PCCB: variants seen among roughly 807,000 people sequenced by gnomAD.
PCCB encodes the protein propionyl-CoA carboxylase beta chain, mitochondrial.
In PCCB, 43 loss-of-function variants were observed where a neutral mutation model predicts 60.7. That is an observed-to-expected ratio of 0.71 (90% CI 0.55 to 0.91). The LOEUF (loss-of-function observed/expected upper bound fraction) is 0.91, where lower values mean the gene tolerates loss of function less well. PCCB is among the 40% of genes least tolerant of loss of function. PCCB has a pLI of 0.00. For synonymous variants in PCCB, 276 were observed against 255.9 expected (o/e 1.08, Z -0.75); for missense variants, 766 against 702.8 (o/e 1.09, Z -1.02).
At chr3:136,300,249 C>T (rs556824024) in intron 8 of PCCB, among the ~76,000 whole-genome samples, 24 of 152,226 alleles carry the variant, frequency 1.6e-4, no homozygotes, top group Admixed American at 1.1e-3. Flanking sequence ...TTCTTTCCAG[C>T]GTAGAGCTTT....
At chr3:136,308,916 T>C (rs1934549955) in intron 9 of PCCB, among the ~76,000 whole-genome samples, 1 of 151,998 alleles carries the variant, frequency 6.6e-6, no homozygotes, top group Non-Finnish European at 1.5e-5. Context: ...AGAATATGTT[T>C]AAAACGATGA....
intron 9 of PCCB, among the ~76,000 whole-genome samples, chr3:136,312,425 A>G (rs570626630): frequency 6.6e-5 from 10 of 152,362 alleles, no homozygotes; most frequent in Admixed American, 5.2e-4. Context: ...CCACCTTCCT[A>G]TAGGCAGTTT....
At chr3:136,262,673 A>G (rs191258545) in intron 5 of PCCB, among the ~76,000 whole-genome samples, 1 of 152,348 alleles carries the variant, frequency 6.6e-6, no homozygotes, top group Admixed American at 6.5e-5. Flanking sequence ...GGGATGAGGG[A>G]GAGAGATACT....
chr3:136,255,782 C>T, intron 1 of PCCB, 74 bp from the exon 2 acceptor site: 1 of 1,368,648 alleles, frequency 7.3e-7, no homozygotes, highest in Non-Finnish European at 1.0e-6. Flanking sequence ...TTCAAGCCCT[C>T]CCATGAACAG....
chr3:136,262,084 G>A lies in PCCB; in HGVS notation c.543+19G>A, dbSNP rs1461240702. ...CTTTCTGGTGAGAAACCTGTTAATA[G>A]AGAATAAAAAAATACAGGGCTTAAG... On this transcript the variant is annotated intron_variant, in intron 5 of 14. Transcript: ENST00000251654. The A allele has an allele frequency of 1.4e-6, 2 of 1,459,904 alleles. No individual in the cohort carries two copies. Among genetic ancestry groups the A allele is most frequent in the South Asian group, 1.2e-5 (1 of 82,212 alleles). 90.4% of individuals were successfully genotyped at this position (1,459,904 alleles called of 1,614,324 possible). A position where few individuals can be genotyped will look rare whatever the true frequency, so the allele number is the denominator to read the frequency against.
chr3:136,297,860 A>G (rs1934005646), intron 7 of PCCB, 92 bp from the exon 8 acceptor site: 2 of 1,411,684 alleles, frequency 1.4e-6, no homozygotes, highest in South Asian at 1.2e-5. Context: ...TCTGCTACTG[A>G]CATGCCCTAG....
At chr3:136,260,657 G>A (rs533684943) in intron 4 of PCCB, 122 bp downstream of exon 4, 8 of 832,952 alleles carry the variant, frequency 9.6e-6, no homozygotes, top group African/African-American at 6.7e-5. Flanking sequence ...TATGCAAGAT[G>A]TGCTACCAAC....
intron 5 of PCCB, among the ~76,000 whole-genome samples, chr3:136,273,655 T>A (rs1463624928): frequency 2.1e-5 from 3 of 141,800 alleles, no homozygotes; most frequent in Non-Finnish European, 4.6e-5. Context: ...TTGTCTGATA[T>A]AAGAATAGCT....
Position 136,326,894 on chromosome 3 carries a change from C to T in PCCB, c.1182C>T (p.Val394=), listed in dbSNP as rs1935332479. The T allele has an allele frequency of 6.2e-7, 1 of 1,608,186 alleles. No homozygotes were observed. Among genetic ancestry groups the T allele is most frequent in the Non-Finnish European group, 8.5e-7 (1 of 1,174,622 alleles). Residue 394 remains valine (V), a synonymous_variant, in exon 11 of 15, where the codon GTC becomes GTT. Transcript: ENST00000251654. The stretch of plus-strand genomic sequence containing the variant: ...TTCCACTCATCACTTTTGTTGATGT[C>T]CCTGGCTTTCTACCTGGTAAGTTTT... ...FNIPLITFVD[V]PGFLPGTAQE...
rs59099393 is a variant in PCCB, at chr3:136,253,082, G to GTTTT, written c.183+2546_183+2549dup. On this transcript the variant is annotated intron_variant, in intron 1 of 14. Coordinates refer to ENST00000251654, the MANE Select transcript of PCCB (RefSeq NM_000532.5). ...GAGCTTGGGAGTCCAAGCAATGGAG[G>GTTTT]TTTTTTTTTTTTTTTTTTTTTTTTT... Among the ~76,000 whole-genome samples the GTTTT allele has an allele frequency of 3.2e-3, 226 of 71,450 alleles. 18 individuals carry two copies. Among genetic ancestry groups the GTTTT allele is most frequent in the Non-Finnish European group, 4.0e-3 (164 of 41,018 alleles). The allele number at this position is 71,450 out of a possible 152,430, so 46.9% of individuals were successfully genotyped here.
At chr3:136,300,026 C>A (rs1356572280) in intron 8 of PCCB, among the ~76,000 whole-genome samples, 2 of 151,526 alleles carry the variant, frequency 1.3e-5, no homozygotes, top group African/African-American at 2.4e-5. Flanking sequence ...GTGTACACGC[C>A]CACACATGCA....
At chr3:136,325,404 C>A (rs1458821574) in intron 10 of PCCB, among the ~76,000 whole-genome samples, 1 of 151,324 alleles carries the variant, frequency 6.6e-6, no homozygotes, top group Non-Finnish European at 1.5e-5. Context: ...ACTCTGTTGC[C>A]TAGAGTGGTG....
intron 5 of PCCB, 100 bp downstream of exon 5, chr3:136,262,165 C>T (rs993077475): frequency 5.1e-6 from 4 of 778,792 alleles, no homozygotes; most frequent in African/African-American, 1.7e-5. Context: ...TGTTCTCTGC[C>T]GCATTGTGTC....
At chr3:136,258,177 A>G (rs610691) in intron 3 of PCCB, among the ~76,000 whole-genome samples, 1 of 152,232 alleles carries the variant, frequency 6.6e-6, no homozygotes, top group African/African-American at 2.4e-5. Flanking sequence ...ATGTTCACTC[A>G]CCACTATTAA....
chr3:136,286,093 A>G (rs2108185772), intron 6 of PCCB, among the ~76,000 whole-genome samples: 1 of 152,366 alleles, frequency 6.6e-6, no homozygotes, highest in East Asian at 1.9e-4. Flanking sequence ...CTGTCTGAAG[A>G]ACTTGTAGGT....
intron 5 of PCCB, among the ~76,000 whole-genome samples, chr3:136,271,661 G>T (rs1224374116): frequency 6.6e-6 from 1 of 152,020 alleles, no homozygotes; most frequent in Non-Finnish European, 1.5e-5. Context: ...TGTCACTTTG[G>T]TTATTGTTGG....
chr3:136,282,382 G>A (rs559474015), intron 5 of PCCB, among the ~76,000 whole-genome samples: 1 of 152,254 alleles, frequency 6.6e-6, no homozygotes. Context: ...TCTCTCTTCT[G>A]TGATGTCACT....
chr3:136,310,849 A>T (rs1243144283), intron 9 of PCCB, among the ~76,000 whole-genome samples: 2 of 152,180 alleles, frequency 1.3e-5, no homozygotes, highest in Non-Finnish European at 2.9e-5. Flanking sequence ...ACAATTATTT[A>T]TATAGACGCT....
chr3:136,326,444 G>A, intron 10 of PCCB: 1 of 701,240 alleles, frequency 1.4e-6, no homozygotes, highest in East Asian at 2.7e-5. Flanking sequence ...GCCATCATCA[G>A]TGGAGCCAGA....
Sources: gnomAD v4.1 joint callset for allele counts (sites outside exome capture counted in the v4.1 genomes callset) on GRCh38, gnomAD v4.1.1 for gene constraint, MANE v1.5 for transcripts, NCBI Gene and HGNC (gene_info 2026-07-23, HGNC 2026-07-21) for gene names.